The following CRACDL variants were observed in gnomAD, a reference collection of about 807,000 sequenced individuals.
The protein encoded by CRACDL is CRACD-like protein.
A neutral mutation model predicts 70.6 loss-of-function variants in CRACDL; 26 were observed. The ratio of observed to expected loss-of-function variants is 0.37; its 90% confidence interval spans 0.27 to 0.51. The LOEUF (loss-of-function observed/expected upper bound fraction) is 0.51. CRACDL is among the 20% of genes least tolerant of loss of function. The pLI, the probability that CRACDL is intolerant of heterozygous loss-of-function variation, is 0.94. For missense variants in CRACDL, 1,283 were observed against 1,376.9 expected (o/e 0.93, Z 1.08); for synonymous variants, 618 against 615.2 (o/e 1.00, Z -0.07).
chr2:98,889,340 A>AAAGAAAGAAAGAAAGAAAGG (rs1231775878), intron 1 of CRACDL, among the ~76,000 whole-genome samples: 24 of 128,088 alleles, frequency 1.9e-4, no homozygotes, highest in African/African-American at 5.2e-4. Context: ...AGAAAGAAAG[A>AAAGAAAGAAAGAAAGAAAGG]AAGGAAACAG....
chr2:98,872,915 C>T (rs1448685036), intron 1 of CRACDL, among the ~76,000 whole-genome samples: 2 of 152,206 alleles, frequency 1.3e-5, no homozygotes, highest in Non-Finnish European at 2.9e-5. Context: ...TAAACTGTCT[C>T]GTGCTTTTTC....
At chr2:98,846,881 C>A in intron 1 of CRACDL, 71 bp from the exon 2 acceptor site, 1 of 1,267,362 alleles carries the variant, frequency 7.9e-7, no homozygotes, top group South Asian at 1.2e-5. Flanking sequence ...AAATGGTGTT[C>A]GTGACTGCAT....
chr2:98,840,440 T>C (rs1389495616), intron 2 of CRACDL, among the ~76,000 whole-genome samples: 2 of 152,188 alleles, frequency 1.3e-5, no homozygotes, highest in African/African-American at 4.8e-5. Context: ...TTTAAAAATG[T>C]TCCTGGTGTG....
Position 98,822,908 on chromosome 2 carries a change from C to T in CRACDL, c.1365G>A (p.Gly455=). 2.7e-6 allele frequency: 4 copies of T among 1,472,288 alleles called. No homozygotes were observed. Among genetic ancestry groups the T allele is most frequent in the Non-Finnish European group, 3.6e-6 (4 of 1,122,178 alleles). 91.2% of individuals were successfully genotyped at this position (1,472,288 alleles called of 1,614,324 possible). ...VLPDEEKGPP[G]PAPEPEREAE... ...CTTCTCTCTCGGGCTCAGGCGCCGG[C>T]CCTGGGGGCCCCTTCTCCTCATCCG... Residue 455 remains glycine (G), a synonymous_variant, in exon 7 of 10, where the codon GGG becomes GGA. Transcript: ENST00000397899. This position sits in a 1 kb window ranked among gnomAD's most constrained non-coding sequence, Gnocchi z 4.9.
chr2:98,928,511 A>C (rs887123119), intron 1 of CRACDL, among the ~76,000 whole-genome samples: 8 of 152,058 alleles, frequency 5.3e-5, no homozygotes, highest in African/African-American at 1.9e-4. Flanking sequence ...CTTCGTGCTA[A>C]TTGCTGGGCC....
chr2:98,822,921 T>C lies in CRACDL; in HGVS notation c.1352A>G (p.Lys451Arg). 6.8e-7 allele frequency: 1 copy of C among 1,472,628 alleles called. No homozygotes were observed. Among genetic ancestry groups the C allele is most frequent in the Non-Finnish European group, 8.9e-7 (1 of 1,120,794 alleles). 91.2% of individuals were successfully genotyped at this position (1,472,628 alleles called of 1,614,324 possible). Residue 451 changes from lysine (K) to arginine (R), a missense_variant, in exon 7 of 10, where the codon AAG becomes AGG. Transcript: ENST00000397899. The surrounding 1 kb of genome is among the most constrained non-coding windows in gnomAD (Gnocchi z 4.9). ...PTPPVLPDEE[K>R]GPPGPAPEPE... is the part of the protein sequence containing the mutation. ...CTCAGGCGCCGGCCCTGGGGGCCCC[T>C]TCTCCTCATCCGGGAGCACGGGCGG...
chr2:98,866,222 A>C (rs186187409), intron 1 of CRACDL, among the ~76,000 whole-genome samples: 13 of 152,298 alleles, frequency 8.5e-5, no homozygotes, highest in Admixed American at 8.5e-4. Context: ...GATTTGAAGT[A>C]TCTTATTGCC....
At position 98,822,941 on chromosome 2, in the gene CRACDL, G is replaced by C. The variant is rs1330735176; in HGVS notation, c.1332C>G (p.Pro444=). 3 of 1,459,614 alleles carry C rather than the reference G, an allele frequency of 2.1e-6. No homozygotes were observed. The highest frequency in any genetic ancestry group is 2.7e-6 in the Non-Finnish European group (3 of 1,111,400). 90.4% of individuals were successfully genotyped at this position (1,459,614 alleles called of 1,614,324 possible). A position where few individuals can be genotyped will look rare whatever the true frequency, so the allele number is the denominator to read the frequency against. The change falls in exon 7 of 10, where the codon CCC becomes CCG. Residue 444 remains proline, a synonymous_variant. Coordinates refer to ENST00000397899, the MANE Select transcript of CRACDL (RefSeq NM_207362.3). The surrounding 1 kb of genome is among the most constrained non-coding windows in gnomAD (Gnocchi z 4.9). ...SVPKEAEPTP[P]VLPDEEKGPP... ...GCCCCTTCTCCTCATCCGGGAGCAC[G>C]GGCGGCGTCGGCTCCGCTTCCTTCG...
At chr2:98,838,850 G>C (rs908312419) in intron 2 of CRACDL, among the ~76,000 whole-genome samples, 4 of 152,114 alleles carry the variant, frequency 2.6e-5, no homozygotes, top group African/African-American at 9.7e-5. Flanking sequence ...GCAGGGGAGG[G>C]GTGTGGCCAG....
chr2:98,847,546 G>GAT (rs1706313504), intron 1 of CRACDL, among the ~76,000 whole-genome samples: 1 of 152,108 alleles, frequency 6.6e-6, no homozygotes, highest in Non-Finnish European at 1.5e-5. Flanking sequence ...TCCCAGACAT[G>GAT]ATGATCATTT....
chr2:98,836,644 A>T lies in CRACDL; in HGVS notation c.239+1475T>A, dbSNP rs1705794335. 2.0e-5 allele frequency among the ~76,000 whole-genome samples: 3 copies of T among 152,098 alleles called. No homozygotes were observed. In the South Asian group the frequency reaches 6.2e-4, roughly 32 times the overall value. The stretch of plus-strand genomic sequence containing the variant: ...CCCAGGCCTGTCTCTCCAACACCAG[A>T]ACTGTGTGCTCCAGTCAAGAGACAG... On this transcript the variant is annotated intron_variant, in intron 3 of 9. Transcript: ENST00000397899.
chr2:98,851,051 A>G (rs550203619), intron 1 of CRACDL, among the ~76,000 whole-genome samples: 1 of 152,324 alleles, frequency 6.6e-6, no homozygotes, highest in East Asian at 1.9e-4. Context: ...TATGTATGAA[A>G]GCTTTAGTGT....
At chr2:98,848,221 T>C (rs924474405) in intron 1 of CRACDL, among the ~76,000 whole-genome samples, 1 of 152,228 alleles carries the variant, frequency 6.6e-6, no homozygotes, top group Non-Finnish European at 1.5e-5. Context: ...CAGACAATGC[T>C]ATCAAACAGC....
At chr2:98,855,207 A>G (rs1706649229) in intron 1 of CRACDL, among the ~76,000 whole-genome samples, 3 of 151,572 alleles carry the variant, frequency 2.0e-5, no homozygotes. Context: ...TTGAACTGGG[A>G]CTTGGGAGGC....
intron 1 of CRACDL, among the ~76,000 whole-genome samples, chr2:98,928,065 A>G (rs1296694242): frequency 6.6e-6 from 1 of 152,080 alleles, no homozygotes; most frequent in Non-Finnish European, 1.5e-5. Flanking sequence ...CGTGCCTGTA[A>G]TCCCAGCTAC....
Position 98,827,132 on chromosome 2 carries a change from G to A in CRACDL, c.578C>T (p.Thr193Ile), listed in dbSNP as rs143807589. 25 of 1,614,130 alleles carry A rather than the reference G, an allele frequency of 1.5e-5. No individual in the cohort carries two copies. Among genetic ancestry groups the A allele is most frequent in the Non-Finnish European group, 1.9e-5 (23 of 1,180,006 alleles). Residue 193 changes from threonine to isoleucine, a missense_variant, in exon 6 of 10, where the codon ACC (threonine) becomes ATC (isoleucine). Thr to Ile is a moderately conservative substitution (Grantham distance 89). This residue lies in a region of CRACDL where 362 missense variants were observed against 495.0 expected (regional missense o/e 0.73). Transcript: ENST00000397899. ...VVSPDHVSDS[T>I]VSARISDNSL... is the part of the protein sequence containing the mutation. ...GTTGTCTGAGATCCGGGCAGAGACG[G>A]TGCTGTCGCTCACGTGGTCTGGAGA...
chr2:98,826,563 C>T (rs1219028211), intron 6 of CRACDL, among the ~76,000 whole-genome samples: 1 of 152,164 alleles, frequency 6.6e-6, no homozygotes, highest in Non-Finnish European at 1.5e-5. Flanking sequence ...GCACCAAGGC[C>T]TGAGGCTAGA....
chr2:98,851,741 A>C (rs1008453698), intron 1 of CRACDL, among the ~76,000 whole-genome samples: 1 of 152,198 alleles, frequency 6.6e-6, no homozygotes, highest in Admixed American at 6.5e-5. Context: ...CTCCAGAAAA[A>C]TATCCTTCAA....
At chr2:98,923,304 T>G (rs2104696781) in intron 1 of CRACDL, among the ~76,000 whole-genome samples, 1 of 151,572 alleles carries the variant, frequency 6.6e-6, no homozygotes. Context: ...AAAATTGTGA[T>G]CATGTTTGGT....
Sources: allele counts gnomAD v4.1 joint callset (sites outside exome capture counted in the v4.1 genomes callset), GRCh38; gene constraint gnomAD v4.1.1; regional missense constraint gnomAD v4.1.1; non-coding constraint Gnocchi (gnomAD v3.1); transcripts MANE v1.5; gene names NCBI Gene and HGNC (gene_info 2026-07-23, HGNC 2026-07-21).